SGCZ: variants seen among roughly 807,000 people sequenced by gnomAD.
SGCZ encodes the protein sarcoglycan zeta.
Under a neutral mutation model 41.3 loss-of-function variants are expected in SGCZ, and 40 were observed. That is an observed-to-expected ratio of 0.97 (90% CI 0.75 to 1.26). The LOEUF is 1.26. Among genes scored for constraint, SGCZ ranks in the 50% most tolerant of loss-of-function variants. The pLI is 0.00. For synonymous variants in SGCZ, 206 were observed against 137.5 expected (o/e 1.50, Z -3.49); for missense variants, 552 against 369.8 (o/e 1.49, Z -4.04).
intron 1 of SGCZ, among the ~76,000 whole-genome samples, chr8:14,702,333 A>G (rs537537177): frequency 6.6e-6 from 1 of 151,786 alleles, no homozygotes; most frequent in African/African-American, 2.4e-5. Flanking sequence ...TTATTGTTAG[A>G]ATGCTCAAGG....
chr8:14,166,055 T>A (rs1804199421), intron 4 of SGCZ, among the ~76,000 whole-genome samples: 1 of 152,124 alleles, frequency 6.6e-6, no homozygotes, highest in Admixed American at 6.6e-5. Flanking sequence ...AAAAGCCATA[T>A]GTATTTTTTT....
intron 4 of SGCZ, among the ~76,000 whole-genome samples, chr8:14,211,584 C>G (rs967493062): frequency 6.6e-6 from 1 of 151,968 alleles, no homozygotes; most frequent in African/African-American, 2.4e-5. Context: ...TTAGAGAGGC[C>G]TCAGGAAACT....
chr8:15,082,785 A>G (rs1003815909), intron 1 of SGCZ, among the ~76,000 whole-genome samples: 4 of 152,180 alleles, frequency 2.6e-5, no homozygotes, highest in Admixed American at 2.6e-4. Flanking sequence ...TAATGGAGCT[A>G]TAATTGAATA....
intron 2 of SGCZ, among the ~76,000 whole-genome samples, chr8:14,396,635 C>A (rs1563302379): frequency 6.6e-6 from 1 of 152,030 alleles, no homozygotes; most frequent in East Asian, 1.9e-4. Flanking sequence ...TGCATCTAGA[C>A]AACCTGGTAG....
chr8:14,387,272 G>A (rs749513737), intron 2 of SGCZ, among the ~76,000 whole-genome samples: 2 of 152,064 alleles, frequency 1.3e-5, no homozygotes, highest in African/African-American at 4.8e-5. Flanking sequence ...GACTGGCCTC[G>A]AACTCTTGGC....
intron 1 of SGCZ, among the ~76,000 whole-genome samples, chr8:14,578,255 C>T (rs1188284760): frequency 6.6e-6 from 1 of 152,190 alleles, no homozygotes; most frequent in Non-Finnish European, 1.5e-5. Flanking sequence ...ATTTCACCAG[C>T]CACCACCATA....
chr8:15,047,587 G>A (rs1804358316), intron 1 of SGCZ, among the ~76,000 whole-genome samples: 1 of 151,980 alleles, frequency 6.6e-6, no homozygotes, highest in Non-Finnish European at 1.5e-5. Flanking sequence ...CCCTCAACTA[G>A]AGAGAGAGTA....
chr8:14,396,465 G>T (rs998990706), intron 2 of SGCZ, among the ~76,000 whole-genome samples: 3 of 152,078 alleles, frequency 2.0e-5, no homozygotes, highest in African/African-American at 7.2e-5. Flanking sequence ...GAAGGATTTT[G>T]TGATGTTATT....
chr8:15,077,792 A>G (rs376710448), intron 1 of SGCZ, among the ~76,000 whole-genome samples: 4 of 152,226 alleles, frequency 2.6e-5, no homozygotes, highest in East Asian at 1.9e-4. Context: ...AGATAGCTCC[A>G]TAGACCCATG....
rs1308978679 is a variant in SGCZ at position 14,085,998 on chromosome 8, T to C, written c.*4445A>G. Among the ~76,000 whole-genome samples the C allele has an allele frequency of 1.3e-5, 2 of 151,868 alleles. No homozygotes were observed. Among genetic ancestry groups the C allele is most frequent in the East Asian group, 3.9e-4 (2 of 5,142 alleles). ...TAACAGTGTTCAATTAAATTATTGA[T>C]TAGTTTATGATTATTTAAAATGAAT... On this transcript the variant is annotated 3_prime_UTR_variant, in exon 8 of 8. Coordinates refer to ENST00000382080, the MANE Select transcript of SGCZ (RefSeq NM_139167.4).
At chr8:14,269,234 T>C (rs1799978719) in intron 3 of SGCZ, among the ~76,000 whole-genome samples, 1 of 152,190 alleles carries the variant, frequency 6.6e-6, no homozygotes, top group Non-Finnish European at 1.5e-5. Context: ...AGATTATTAC[T>C]TTAATGGCTC....
chr8:15,049,873 GC>G (rs1462744696), intron 1 of SGCZ, among the ~76,000 whole-genome samples: 1 of 152,124 alleles, frequency 6.6e-6, no homozygotes, highest in East Asian at 1.9e-4. Flanking sequence ...TGTCTTGCCT[GC>G]CACCATATAA....
Position 14,956,026 on chromosome 8 carries a change from GACACT to G in SGCZ, c.39+281554_39+281558del, listed in dbSNP as rs1285934320. Among the ~76,000 whole-genome samples the G allele has an allele frequency of 3.4e-5, 5 of 146,092 alleles. No individual in the cohort carries two copies. The East Asian group carries it at 8.0e-4, about 23-fold the overall frequency. ...TATTTTTAGTGCTTAATGTAGGTAG[GACACT>G]ACTTTTACTTTTTTTTTTTTTTTTT... On this transcript the variant is annotated intron_variant, in intron 1 of 7. Coordinates refer to ENST00000382080, the MANE Select transcript of SGCZ (RefSeq NM_139167.4).
rs531767149 is a variant in SGCZ, at chr8:14,711,366, G to T, written c.40-156440C>A. On this transcript the variant is annotated intron_variant, in intron 1 of 7. Transcript: ENST00000382080. ...GCACTTTGGGAGGCTGAGGCTGGCA[G>T]ATCCCTTGAGATCAGGAGTTCGAGA... 4.3e-4 allele frequency among the ~76,000 whole-genome samples: 64 copies of T among 149,050 alleles called. 1 individual carries two copies. The highest frequency in any genetic ancestry group is 5.4e-4 in the Admixed American group (8 of 14,770).
intron 1 of SGCZ, among the ~76,000 whole-genome samples, chr8:15,084,434 C>G (rs1041999748): frequency 6.6e-6 from 1 of 152,036 alleles, no homozygotes; most frequent in Non-Finnish European, 1.5e-5. Flanking sequence ...ATAAAGCTAG[C>G]AATATTAGAA....
chr8:14,976,657 G>A (rs979902348), intron 1 of SGCZ, among the ~76,000 whole-genome samples: 2 of 152,144 alleles, frequency 1.3e-5, no homozygotes, highest in African/African-American at 4.8e-5. Flanking sequence ...GAGAATATTT[G>A]TGGCATTCAA....
chr8:14,947,658 T>A (rs1230234800), intron 1 of SGCZ, among the ~76,000 whole-genome samples: 1 of 152,164 alleles, frequency 6.6e-6, no homozygotes, highest in Non-Finnish European at 1.5e-5. Context: ...AGAGCAAATA[T>A]CATTAAGTAT....
At chr8:14,885,232 G>C (rs1804743970) in intron 1 of SGCZ, among the ~76,000 whole-genome samples, 1 of 152,146 alleles carries the variant, frequency 6.6e-6, no homozygotes, top group Non-Finnish European at 1.5e-5. Context: ...CTTGAGGAAA[G>C]ACATTGAGTT....
chr8:15,217,344 G>A (rs1168235151), intron 1 of SGCZ, among the ~76,000 whole-genome samples: 1 of 151,356 alleles, frequency 6.6e-6, no homozygotes, highest in African/African-American at 2.4e-5. Flanking sequence ...GTGAACCCGG[G>A]AGGCGGAGCT....
Sources: gnomAD v4.1 joint callset for allele counts (sites outside exome capture counted in the v4.1 genomes callset) on GRCh38, gnomAD v4.1.1 for gene constraint, MANE v1.5 for transcripts, NCBI Gene and HGNC (gene_info 2026-07-23, HGNC 2026-07-21) for gene names.